S1PR5: variants seen among roughly 807,000 people sequenced by gnomAD.
S1PR5 encodes the protein sphingosine-1-phosphate receptor 5, also known as sphingosine 1-phosphate receptor 5.
For synonymous variants in S1PR5, 307 were observed against 284.7 expected, an observed-to-expected ratio of 1.08 and a Z score of -0.79; for missense variants, 583 against 571.7, an observed-to-expected ratio of 1.02 and a Z score of -0.20.
chr19:10,513,600 C>T lies in S1PR5; in HGVS notation c.*215G>A. On this transcript the variant is annotated 3_prime_UTR_variant, in exon 2 of 2. Transcript: ENST00000333430. ...GTCACTGGAATCATCTCCATTATTT[C>T]ATCACCGAGTTCTTTTCTGTGTTCC... 1 of 639,390 alleles carries T rather than the reference C, an allele frequency of 1.6e-6. No individual in the cohort carries two copies. Among genetic ancestry groups the T allele is most frequent in the Non-Finnish European group, 2.6e-6 (1 of 382,160 alleles). 39.6% of individuals were successfully genotyped at this position (639,390 alleles called of 1,614,324 possible).
chr19:10,513,651 G>T lies in S1PR5; in HGVS notation c.*164C>A. ...CAAGCAGAACGTCAATTCCACGAGG[G>T]CACAGATTTTTTGTCTGTTTGTTCA... On this transcript the variant is annotated 3_prime_UTR_variant, in exon 2 of 2. Coordinates refer to ENST00000333430, the MANE Select transcript of S1PR5 (RefSeq NM_030760.5). 1.1e-6 allele frequency: 1 copy of T among 944,440 alleles called. No homozygotes were observed. The highest frequency in any genetic ancestry group is 1.5e-6 in the Non-Finnish European group (1 of 648,548). 58.5% of individuals were successfully genotyped at this position (944,440 alleles called of 1,614,324 possible).
Position 10,514,007 on chromosome 19 carries a change from G to C in S1PR5, c.1005C>G (p.Ser335=), listed in dbSNP as rs1055071598. The part of the protein sequence containing the change: ...RHSCGRDPSG[S]QQSASAAEAS... Reference sequence around the variant, plus strand: ...CCTCAGCCGCGCTCGCCGACTGCTGGGAGCCACTCGGGTCTCTGCCGCAGG... The same window carrying C: ...CCTCAGCCGCGCTCGCCGACTGCTGCGAGCCACTCGGGTCTCTGCCGCAGG... Residue 335 remains serine, a synonymous_variant, in exon 2 of 2, where the codon TCC becomes TCG. Coordinates refer to ENST00000333430, the MANE Select transcript of S1PR5 (RefSeq NM_030760.5). 6.2e-7 allele frequency: 1 copy of C among 1,606,834 alleles called. No individual in the cohort carries two copies. Among genetic ancestry groups the C allele is most frequent in the East Asian group, 2.2e-5 (1 of 44,720 alleles).
In S1PR5 at chr19:10,514,734, A is replaced by G; in HGVS notation, c.278T>C (p.Ile93Thr). ...CAGCGTGAGCGGCCCCGACAGTAGG[A>G]TGTTGGCGGCGTAGGCGGCGCCTGC... ...LLAGAAYAAN[I>T]LLSGPLTLKL... Residue 93 changes from isoleucine (I) to threonine (T), a missense_variant, in exon 2 of 2, where the codon ATC (isoleucine) becomes ACC (threonine). Transcript: ENST00000333430. 10 of 1,611,940 alleles carry G rather than the reference A, an allele frequency of 6.2e-6. No individual in the cohort carries two copies. The highest frequency in any genetic ancestry group is 8.5e-6 in the Non-Finnish European group (10 of 1,179,480).
intron 1 of S1PR5, among the ~76,000 whole-genome samples, chr19:10,515,642 A>C (rs545186023): frequency 3.8e-4 from 57 of 151,950 alleles, no homozygotes; most frequent in Non-Finnish European, 6.6e-4. Flanking sequence ...CCAAACACAC[A>C]CACGGCTGGG....
intron 1 of S1PR5, among the ~76,000 whole-genome samples, chr19:10,516,107 A>G (rs1181418647): frequency 3.3e-5 from 5 of 152,158 alleles, no homozygotes; most frequent in Non-Finnish European, 5.9e-5. Flanking sequence ...TCATACAGGA[A>G]CAGAGTGACG....
chr19:10,513,294 C>G lies in S1PR5; in HGVS notation c.*521G>C, dbSNP rs1001150558. ...GCTCCCACCTCACTCAGAGCAAAAG[C>G]GAAGTCCTCTATATCACCCACAAGG... is the stretch of plus-strand genomic sequence containing the variant. On this transcript the variant is annotated 3_prime_UTR_variant, in exon 2 of 2. Transcript: ENST00000333430. 3 of 274,354 alleles carry G rather than the reference C, an allele frequency of 1.1e-5. No homozygotes were observed. In the Admixed American group the frequency reaches 1.6e-4, roughly 14 times the overall value. The allele number at this position is 274,354 out of a possible 1,614,324, so 17.0% of individuals were successfully genotyped here.
In S1PR5 at chr19:10,513,315, C is replaced by G. The variant is rs1379544746; in HGVS notation, c.*500G>C. 1 of 335,934 alleles carries G rather than the reference C, an allele frequency of 3.0e-6. No individual in the cohort carries two copies. The highest frequency in any genetic ancestry group is 4.6e-5 in the Admixed American group (1 of 21,768). The allele number at this position is 335,934 out of a possible 1,614,324, so 20.8% of individuals were successfully genotyped here. A position where few individuals can be genotyped will look rare whatever the true frequency, so the allele number is the denominator to read the frequency against. On this transcript the variant is annotated 3_prime_UTR_variant, in exon 2 of 2. Transcript: ENST00000333430. ...AAAGCGAAGTCCTCTATATCACCCA[C>G]AAGGTCCTTCGGGAACTACTCCTTC...
In S1PR5 at chr19:10,513,169, C is replaced by T. The variant is rs1915323980; in HGVS notation, c.*646G>A. On this transcript the variant is annotated 3_prime_UTR_variant, in exon 2 of 2. Transcript: ENST00000333430. The stretch of plus-strand genomic sequence containing the variant: ...TTGTTCCTGTGGCTCAGTGCAGCCC[C>T]CCTTCACCTTCTCTGGTTTTCAACC... 1 of 156,854 alleles carries T rather than the reference C, an allele frequency of 6.4e-6. No individual in the cohort carries two copies. Among genetic ancestry groups the T allele is most frequent in the Non-Finnish European group, 1.4e-5 (1 of 71,510 alleles). 9.7% of individuals were successfully genotyped at this position (156,854 alleles called of 1,614,324 possible).
chr19:10,513,549 GACC>G lies in S1PR5; in HGVS notation c.*263_*265del. On this transcript the variant is annotated 3_prime_UTR_variant, in exon 2 of 2. Coordinates refer to ENST00000333430, the MANE Select transcript of S1PR5 (RefSeq NM_030760.5). ...CTACCTCTGCAGAGAGGTCTTCCCT[GACC>G]ACCATCACCATCTCTGTCGTTTGTC... 1 of 585,684 alleles carries G rather than the reference GACC, an allele frequency of 1.7e-6. No homozygotes were observed. Among genetic ancestry groups the G allele is most frequent in the Admixed American group, 3.4e-5 (1 of 29,782 alleles). The allele number at this position is 585,684 out of a possible 1,614,324, so 36.3% of individuals were successfully genotyped here.
intron 1 of S1PR5, among the ~76,000 whole-genome samples, chr19:10,515,481 C>T (rs1017063253): frequency 5.3e-5 from 8 of 152,100 alleles, no homozygotes; most frequent in Admixed American, 1.3e-4. Context: ...GGCATGGTGG[C>T]ACGTGCCTGT....
At chr19:10,517,532 G>A (rs1915467940), upstream of S1PR5, 5 of 985,338 alleles carry the variant, frequency 5.1e-6, no homozygotes, top group Admixed American at 1.2e-4. Context: ...GTCGCCAGCA[G>A]TTGCCCCCTC....
Position 10,514,829 on chromosome 19 carries a change from G to C in S1PR5, c.183C>G (p.Leu61=). ...GAGCGTGGAAGCGCGGGTGGCGTCC[G>C]AGCACCAACAACACGGCTAGATTCT... ...VLENLAVLLV[L]GRHPRFHAPM... The change falls in exon 2 of 2, where the codon CTC becomes CTG. Residue 61 remains leucine (L), a synonymous_variant. Transcript: ENST00000333430. 1.2e-6 allele frequency: 2 copies of C among 1,613,008 alleles called. No individual in the cohort carries two copies. The highest frequency in any genetic ancestry group is 1.7e-6 in the Non-Finnish European group (2 of 1,179,700).
intron 1 of S1PR5, among the ~76,000 whole-genome samples, chr19:10,515,299 G>A (rs1915410816): frequency 6.6e-6 from 1 of 152,176 alleles, no homozygotes; most frequent in Middle Eastern, 3.4e-3. Context: ...ATGGCTGGGC[G>A]CGGTGGCTCA....
rs1165284858 is a variant in S1PR5 at position 10,514,553 on chromosome 19, C to A, written c.459G>T (p.Ala153=). Reference sequence around the variant, plus strand: ...ACACGCCCCAGGCCGCGGCTGCCATCGCCAGCGTGCGCCCCCGACTGGAGA... The same window carrying A: ...ACACGCCCCAGGCCGCGGCTGCCATAGCCAGCGTGCGCCCCCGACTGGAGA... ...APVSSRGRTL[A]MAAAAWGVSL... is the part of the protein sequence containing the mutation. Residue 153 remains alanine, a synonymous_variant, in exon 2 of 2, where the codon GCG becomes GCT. Transcript: ENST00000333430. The A allele has an allele frequency of 6.3e-7, 1 of 1,577,810 alleles. No homozygotes were observed. Among genetic ancestry groups the A allele is most frequent in the Non-Finnish European group, 8.6e-7 (1 of 1,163,334 alleles).
At position 10,514,544 on chromosome 19, in the gene S1PR5, G is replaced by A. The variant is rs1430174561; in HGVS notation, c.468C>T (p.Ala156=). ...SSRGRTLAMA[A]AAWGVSLLLG... is the part of the protein sequence containing the mutation. ...GGAGCAGCGACACGCCCCAGGCCGC[G>A]GCTGCCATCGCCAGCGTGCGCCCCC... Residue 156 remains alanine (A), a synonymous_variant, in exon 2 of 2, where the codon GCC becomes GCT. Transcript: ENST00000333430. The A allele has an allele frequency of 6.3e-7, 1 of 1,581,888 alleles. No individual in the cohort carries two copies. Among genetic ancestry groups the A allele is most frequent in the East Asian group, 2.3e-5 (1 of 43,192 alleles).
intron 1 of S1PR5, among the ~76,000 whole-genome samples, chr19:10,515,619 C>T (rs755408468): frequency 5.5e-4 from 79 of 143,050 alleles, no homozygotes; most frequent in Non-Finnish European, 9.9e-4. Flanking sequence ...TCTCAAAACA[C>T]CCCCCCTCCC....
chr19:10,513,667 T>G lies in S1PR5; in HGVS notation c.*148A>C. 3 of 1,147,632 alleles carry G rather than the reference T, an allele frequency of 2.6e-6. No homozygotes were observed. The highest frequency in any genetic ancestry group is 3.6e-6 in the Non-Finnish European group (3 of 825,506). The allele number at this position is 1,147,632 out of a possible 1,614,324, so 71.1% of individuals were successfully genotyped here. A position where few individuals can be genotyped will look rare whatever the true frequency, so the allele number is the denominator to read the frequency against. On this transcript the variant is annotated 3_prime_UTR_variant, in exon 2 of 2. Transcript: ENST00000333430. ...TCCACGAGGGCACAGATTTTTTGTC[T>G]GTTTGTTCACATTGTGGGGTGTCGC...
Position 10,513,015 on chromosome 19 carries a change from GC to G in S1PR5, c.*799del, listed in dbSNP as rs1033810549. The G allele has an allele frequency of 2.0e-5, 3 of 152,304 alleles. No individual in the cohort carries two copies. The highest frequency in any genetic ancestry group is 7.2e-5 in the African/African-American group (3 of 41,540). The allele number at this position is 152,304 out of a possible 1,614,324, so 9.4% of individuals were successfully genotyped here. On this transcript the variant is annotated 3_prime_UTR_variant, in exon 2 of 2. Coordinates refer to ENST00000333430, the MANE Select transcript of S1PR5 (RefSeq NM_030760.5). ...GTCTCCCAGAGTCAAATTTGGGGGTGCCCCACCCTTGGCATTGTCCTTGATA... is the reference window on the plus strand; with the variant it reads ...GTCTCCCAGAGTCAAATTTGGGGGTGCCCACCCTTGGCATTGTCCTTGATA...
rs184932904 is a variant in S1PR5 at position 10,515,407 on chromosome 19, C to G, written c.-18-378G>C. Among the ~76,000 whole-genome samples the G allele has an allele frequency of 8.5e-5, 13 of 152,086 alleles. No homozygotes were observed. In the East Asian group the frequency reaches 2.1e-3, roughly 25 times the overall value. On this transcript the variant is annotated intron_variant, in intron 1 of 1. Coordinates refer to ENST00000333430, the MANE Select transcript of S1PR5 (RefSeq NM_030760.5). ...GGGGCAGATCACGAGGTCAGGAGATCGAGACCATCCTGGCTAACACGGTGA... is the reference window on the plus strand; with the variant it reads ...GGGGCAGATCACGAGGTCAGGAGATGGAGACCATCCTGGCTAACACGGTGA...
Sources: gnomAD v4.1 joint callset for allele counts (sites outside exome capture counted in the v4.1 genomes callset) on GRCh38, gnomAD v4.1.1 for gene constraint, MANE v1.5 for transcripts, NCBI Gene and HGNC (gene_info 2026-07-23, HGNC 2026-07-21) for gene names.